NELL1: variants seen among roughly 807,000 people sequenced by gnomAD.
NELL1 encodes protein kinase C-binding protein NELL1.
NELL1 carries 76 observed loss-of-function variants against 107.4 expected under a neutral mutation model. That is an observed-to-expected ratio of 0.71 (90% confidence interval 0.59 to 0.86). The LOEUF (loss-of-function observed/expected upper bound fraction) is 0.86, where lower values mean the gene tolerates loss of function less well. Among genes scored for constraint, NELL1 ranks in the 40% least tolerant of loss-of-function variants. The pLI is 0.00. For missense variants in NELL1, 1,024 were observed against 1,005.5 expected (o/e 1.02, Z -0.25); for synonymous variants, 353 against 341.2 (o/e 1.03, Z -0.38).
intron 12 of NELL1, among the ~76,000 whole-genome samples, chr11:20,963,635 G>A (rs1021892029): frequency 3.9e-5 from 6 of 152,118 alleles, no homozygotes; most frequent in Non-Finnish European, 8.8e-5. Flanking sequence ...GGGTAGACAA[G>A]CTTACAGATG....
intron 15 of NELL1, among the ~76,000 whole-genome samples, chr11:21,408,093 A>G (rs1023757829): frequency 9.2e-5 from 14 of 151,896 alleles, no homozygotes; most frequent in African/African-American, 3.4e-4. Flanking sequence ...GTGCTCATGG[A>G]GAGCAGCATG....
chr11:21,033,215 T>G (rs1359846297), intron 12 of NELL1, among the ~76,000 whole-genome samples: 1 of 152,200 alleles, frequency 6.6e-6, no homozygotes, highest in African/African-American at 2.4e-5. Flanking sequence ...TAATTCTGCC[T>G]GGTAATAATT....
intron 15 of NELL1, among the ~76,000 whole-genome samples, chr11:21,421,890 C>T (rs562329179): frequency 2.0e-5 from 3 of 152,134 alleles, no homozygotes; most frequent in Admixed American, 1.3e-4. Flanking sequence ...ATCTGGAAAG[C>T]GGCAAGAGAG....
intron 3 of NELL1, among the ~76,000 whole-genome samples, chr11:20,817,449 G>A (rs1857647770): frequency 1.3e-5 from 2 of 152,010 alleles, no homozygotes; most frequent in African/African-American, 2.4e-5. Context: ...TAGTCTCTGA[G>A]GATCTTTTGT....
intron 13 of NELL1, among the ~76,000 whole-genome samples, chr11:21,131,904 C>T (rs1394109943): frequency 6.6e-6 from 1 of 152,136 alleles, no homozygotes; most frequent in Non-Finnish European, 1.5e-5. Flanking sequence ...GGAATTGTCA[C>T]ACAAGTGATC....
At chr11:21,299,426 A>T (rs982270810) in intron 14 of NELL1, among the ~76,000 whole-genome samples, 4 of 151,448 alleles carry the variant, frequency 2.6e-5, no homozygotes, top group African/African-American at 9.7e-5. Context: ...CTTGTGCTTA[A>T]TTGACTTTTC....
chr11:21,383,752 T>A (rs367941942), intron 15 of NELL1: 17 of 150,798 alleles, frequency 1.1e-4, no homozygotes, highest in Admixed American at 8.6e-4. Flanking sequence ...AGTTATTGAG[T>A]GTTTCCAGTA....
At chr11:21,366,278 A>C (rs1017332275) in intron 14 of NELL1, among the ~76,000 whole-genome samples, 4 of 152,148 alleles carry the variant, frequency 2.6e-5, no homozygotes, top group African/African-American at 7.2e-5. Flanking sequence ...TTAAAGAAGT[A>C]AGGAAAACTG....
intron 14 of NELL1, among the ~76,000 whole-genome samples, chr11:21,323,234 C>A (rs1197519899): frequency 6.6e-6 from 1 of 152,112 alleles, no homozygotes; most frequent in Non-Finnish European, 1.5e-5. Context: ...AGGCTGAAAG[C>A]TCTAAACACT....
chr11:21,132,117 A>G (rs1855632118), intron 13 of NELL1, among the ~76,000 whole-genome samples: 2 of 152,176 alleles, frequency 1.3e-5, no homozygotes. Context: ...AGGCAGTAAC[A>G]TAGAGGCTCA....
rs145730654 is a variant in NELL1 at position 21,155,169 on chromosome 11, CA to C, written c.1426+41456del. ...AGAAAATCATTTTCAGGCTTTGACT[CA>C]GGGGGCTGGGTGGATGATGGTATTA... is the stretch of plus-strand genomic sequence containing the variant. On this transcript the variant is annotated intron_variant, in intron 13 of 19. Coordinates refer to ENST00000357134, the MANE Select transcript of NELL1 (RefSeq NM_006157.5). Among the ~76,000 whole-genome samples, 3 of 152,242 alleles carry C rather than the reference CA, an allele frequency of 2.0e-5. No homozygotes were observed. The East Asian group carries it at 5.8e-4, about 29-fold the overall frequency.
chr11:20,786,392 G>A (rs1197730000), intron 3 of NELL1, among the ~76,000 whole-genome samples: 4 of 150,806 alleles, frequency 2.7e-5, no homozygotes, highest in Non-Finnish European at 4.4e-5. Flanking sequence ...GAAGAAAACC[G>A]TGTACAGGGG....
Position 21,315,409 on chromosome 11 carries a change from A to G in NELL1, c.1550-55444A>G, listed in dbSNP as rs148662046. 2.2e-4 allele frequency among the ~76,000 whole-genome samples: 33 copies of G among 152,246 alleles called. No individual in the cohort carries two copies. The East Asian group carries it at 5.2e-3, about 24-fold the overall frequency. The stretch of plus-strand genomic sequence containing the variant: ...TTGGAATAGTATAGAGACAGTGGCC[A>G]AGGAAAGCAGTGCACCAGATTCAGG... On this transcript the variant is annotated intron_variant, in intron 14 of 19. Coordinates refer to ENST00000357134, the MANE Select transcript of NELL1 (RefSeq NM_006157.5).
chr11:21,168,973 C>T (rs1856544798), intron 13 of NELL1, among the ~76,000 whole-genome samples: 2 of 151,908 alleles, frequency 1.3e-5, no homozygotes, highest in Admixed American at 6.5e-5. Flanking sequence ...TGACTCAATT[C>T]TGTATTGGTG....
chr11:21,277,378 T>A (rs999386238), intron 14 of NELL1, among the ~76,000 whole-genome samples: 2 of 151,246 alleles, frequency 1.3e-5, no homozygotes, highest in African/African-American at 4.9e-5. Context: ...AGAATGGCAA[T>A]CATTAAAAAG....
rs34418018 is a variant in NELL1 at position 21,498,333 on chromosome 11, T to TTATATATATATATATA, written c.1646-36027_1646-36026insTATATATATATATATA. On this transcript the variant is annotated intron_variant, in intron 15 of 19. Coordinates refer to ENST00000357134, the MANE Select transcript of NELL1 (RefSeq NM_006157.5). The stretch of plus-strand genomic sequence containing the variant: ...ATTTTGCTACACATCCATAAACATA[T>TTATATATATATATATA]TATATATATATATACATATATATAT... Among the ~76,000 whole-genome samples the TTATATATATATATATA allele has an allele frequency of 1.2e-3, 140 of 113,672 alleles. 1 individual carries two copies. In the East Asian group the frequency reaches 0.028, roughly 22 times the overall value. 74.6% of individuals were successfully genotyped at this position (113,672 alleles called of 152,430 possible).
At chr11:21,067,821 T>G (rs140965746) in intron 12 of NELL1, among the ~76,000 whole-genome samples, 4,433 of 151,926 alleles carry the variant, frequency 0.029, 200 homozygotes, top group African/African-American at 0.1. Context: ...TCACTTGAGG[T>G]CAGGAGTTCA....
intron 3 of NELL1, among the ~76,000 whole-genome samples, chr11:20,813,577 A>G (rs1313470793): frequency 6.6e-6 from 1 of 152,138 alleles, no homozygotes; most frequent in Admixed American, 6.5e-5. Flanking sequence ...TCTCTTTCTG[A>G]GTATTATATA....
chr11:20,990,539 C>T (rs1851950131), intron 12 of NELL1, among the ~76,000 whole-genome samples: 1 of 152,178 alleles, frequency 6.6e-6, no homozygotes, highest in Admixed American at 6.5e-5. Flanking sequence ...ATTTTTCTCT[C>T]CATGCTCAGA....
Sources: allele counts gnomAD v4.1 joint callset (sites outside exome capture counted in the v4.1 genomes callset), GRCh38; gene constraint gnomAD v4.1.1; transcripts MANE v1.5; gene names NCBI Gene and HGNC (gene_info 2026-07-23, HGNC 2026-07-21).